NBEA: variants seen among roughly 807,000 people sequenced by gnomAD.
NBEA encodes the protein neurobeachin.
In NBEA, 44 loss-of-function variants were observed where a neutral mutation model predicts 343.4. The ratio of observed to expected loss-of-function variants is 0.13; its 90% CI spans 0.10 to 0.16. The LOEUF (loss-of-function observed/expected upper bound fraction) is 0.16. Among genes scored for constraint, NBEA ranks in the 10% least tolerant of loss-of-function variants. The pLI is 1.00. For missense variants in NBEA, 2,555 were observed against 3,631.3 expected (o/e 0.70, Z 7.62); for synonymous variants, 1,175 against 1,238.7 (o/e 0.95, Z 1.08).
chr13:35,420,630 C>T (rs1396489878), intron 38 of NBEA, among the ~76,000 whole-genome samples: 1 of 151,934 alleles, frequency 6.6e-6, no homozygotes, highest in Non-Finnish European at 1.5e-5. Context: ...TTCAGTGAAA[C>T]TATCTAGGCC....
chr13:34,982,488 A>G (rs1173525282), intron 1 of NBEA, among the ~76,000 whole-genome samples: 2 of 152,012 alleles, frequency 1.3e-5, no homozygotes, highest in African/African-American at 4.8e-5. Flanking sequence ...TTTAGTAAAG[A>G]CAGAATTTCA....
intron 1 of NBEA, among the ~76,000 whole-genome samples, chr13:34,962,866 T>A (rs2152492618): frequency 6.6e-6 from 1 of 152,152 alleles, no homozygotes; most frequent in Non-Finnish European, 1.5e-5. Context: ...GTATTTAGAT[T>A]GCTACTTTGT....
rs138177740 is a variant in NBEA at position 35,113,627 on chromosome 13, A to ATCTATCTATCTG, written c.2002+2652_2002+2653insATCTATCTGTCT. 7.1e-3 allele frequency among the ~76,000 whole-genome samples: 1,074 copies of ATCTATCTATCTG among 150,688 alleles called. 16 individuals are homozygous for ATCTATCTATCTG. The highest frequency in any genetic ancestry group is 0.023 in the African/African-American group (932 of 41,110). ...TATCTATCTATCTATCTATCTATCT[A>ATCTATCTATCTG]TCTGTCTGTCTATCATCTTTTATAT... On this transcript the variant is annotated intron_variant, in intron 13 of 58. Transcript: ENST00000379939.
chr13:35,467,502 G>C (rs1218866074), intron 40 of NBEA, among the ~76,000 whole-genome samples: 1 of 151,508 alleles, frequency 6.6e-6, no homozygotes. Flanking sequence ...AGCAGTGACA[G>C]ATATTTTAGA....
chr13:35,247,119 G>T (rs540530479), intron 34 of NBEA, among the ~76,000 whole-genome samples: 5 of 152,198 alleles, frequency 3.3e-5, no homozygotes, highest in African/African-American at 1.2e-4. Flanking sequence ...CCAGATGGCC[G>T]GTCTCATTCC....
intron 38 of NBEA, among the ~76,000 whole-genome samples, chr13:35,381,751 T>A (rs564522603): frequency 2.0e-5 from 3 of 152,194 alleles, no homozygotes; most frequent in African/African-American, 7.2e-5. Context: ...GGTCCTGACC[T>A]GCCTTTGGTG....
At chr13:35,539,942 A>AAAAAAT (rs1566289232) in intron 41 of NBEA, among the ~76,000 whole-genome samples, 2 of 147,700 alleles carry the variant, frequency 1.4e-5, no homozygotes, top group Non-Finnish European at 1.5e-5. Context: ...AAAAAAAAAA[A>AAAAAAT]GTGCACTAGT....
intron 11 of NBEA, among the ~76,000 whole-genome samples, chr13:35,104,834 C>T (rs778656776): frequency 1.9e-4 from 29 of 151,844 alleles, no homozygotes; most frequent in South Asian, 1.2e-3. Context: ...GGTTATCCAG[C>T]GTATTCAATA....
chr13:35,439,625 A>G (rs1363410501), intron 39 of NBEA, among the ~76,000 whole-genome samples: 1 of 152,230 alleles, frequency 6.6e-6, no homozygotes, highest in Non-Finnish European at 1.5e-5. Flanking sequence ...AGATATATCT[A>G]ATGTAAATGG....
intron 24 of NBEA, among the ~76,000 whole-genome samples, chr13:35,167,985 T>G (rs538231298): frequency 6.6e-6 from 1 of 151,844 alleles, no homozygotes; most frequent in African/African-American, 2.4e-5. Flanking sequence ...CTCCTAATAG[T>G]TTCATAATTA....
intron 31 of NBEA, among the ~76,000 whole-genome samples, chr13:35,198,700 GTTA>G (rs1282235370): frequency 2.0e-5 from 3 of 151,634 alleles, no homozygotes; most frequent in African/African-American, 7.3e-5. Flanking sequence ...CTCTAGTGTA[GTTA>G]ATATATGCAA....
intron 30 of NBEA, chr13:35,186,703 C>T (rs997768837): frequency 2.0e-5 from 3 of 152,084 alleles, no homozygotes; most frequent in East Asian, 1.9e-4. Flanking sequence ...TATTTATAAT[C>T]GCAGTATTTG....
At chr13:35,643,025 G>T (rs942926528) in intron 49 of NBEA, among the ~76,000 whole-genome samples, 2 of 151,406 alleles carry the variant, frequency 1.3e-5, no homozygotes, top group African/African-American at 4.9e-5. Context: ...ATAGATACAT[G>T]TAGAATTTTT....
chr13:35,149,169 T>G (rs1053752301), intron 18 of NBEA, among the ~76,000 whole-genome samples: 1 of 152,170 alleles, frequency 6.6e-6, no homozygotes, highest in Non-Finnish European at 1.5e-5. Flanking sequence ...ATTATAGTAG[T>G]GTTTTAATAT....
chr13:35,667,175 A>C (rs897585971), intron 56 of NBEA, among the ~76,000 whole-genome samples, 199 bp from the exon 57 acceptor site: 1 of 152,222 alleles, frequency 6.6e-6, no homozygotes, highest in African/African-American at 2.4e-5. Context: ...CGTGCGGCGT[A>C]GGAGTGTGAT....
intron 10 of NBEA, among the ~76,000 whole-genome samples, chr13:35,079,688 A>G (rs1013849071): frequency 1.3e-5 from 2 of 152,176 alleles, no homozygotes; most frequent in Middle Eastern, 3.2e-3. Context: ...AAGAAAGCAC[A>G]TATTCCTCAT....
chr13:35,047,785 C>T (rs6562729), intron 4 of NBEA, among the ~76,000 whole-genome samples: 2,191 of 10,120 alleles, frequency 0.22, 55 homozygotes, highest in African/African-American at 0.33. Context: ...TGAGAAAGGC[C>T]ATTATCAGCA....
At chr13:35,447,874 G>C (rs1466858151) in intron 39 of NBEA, among the ~76,000 whole-genome samples, 1 of 152,172 alleles carries the variant, frequency 6.6e-6, no homozygotes, top group Admixed American at 6.5e-5. Context: ...TTTGTTGGGT[G>C]TTAAACCAAT....
intron 19 of NBEA, 47 bp from the exon 20 acceptor site, chr13:35,156,036 C>G: frequency 6.5e-7 from 1 of 1,544,300 alleles, no homozygotes; most frequent in Non-Finnish European, 8.7e-7. Context: ...TTGAGTTGAA[C>G]ATAGGATATG....
Sources: allele counts gnomAD v4.1 joint callset (sites outside exome capture counted in the v4.1 genomes callset), GRCh38; gene constraint gnomAD v4.1.1; transcripts MANE v1.5; gene names NCBI Gene and HGNC (gene_info 2026-07-23, HGNC 2026-07-21).